Variants in ITGA1 observed in about 807,000 individuals in gnomAD.
ITGA1 encodes the protein integrin subunit alpha 1.
In ITGA1, 85 loss-of-function variants were observed where a neutral mutation model predicts 145.9. The ratio of observed to expected loss-of-function variants is 0.58; its 90% CI spans 0.49 to 0.70. The LOEUF (loss-of-function observed/expected upper bound fraction) is 0.70, where lower values mean the gene tolerates loss of function less well. Ranked by LOEUF, ITGA1 falls within the 30% of genes least tolerant of loss-of-function variation. The pLI, the probability that ITGA1 is intolerant of heterozygous loss-of-function variation, is 0.00. For missense variants in ITGA1, 1,351 were observed against 1,418.7 expected (o/e 0.95, Z 0.77); for synonymous variants, 520 against 495.3 (o/e 1.05, Z -0.66).
At chr5:52,875,712 C>T (rs1015657698) in intron 6 of ITGA1, among the ~76,000 whole-genome samples, 6 of 152,110 alleles carry the variant, frequency 3.9e-5, no homozygotes, top group East Asian at 3.9e-4. Context: ...ACATTTAACC[C>T]GGTTGCACCT....
intron 5 of ITGA1, 34 bp from the exon 6 acceptor site, chr5:52,865,656 T>C: frequency 7.8e-6 from 11 of 1,414,210 alleles, no homozygotes; most frequent in Non-Finnish European, 1.0e-5. Flanking sequence ...AAAAAATAGA[T>C]TCCAAATTTG....
chr5:52,853,626 G>A (rs1378572868), intron 2 of ITGA1, among the ~76,000 whole-genome samples: 1 of 152,144 alleles, frequency 6.6e-6, no homozygotes, highest in East Asian at 1.9e-4. Flanking sequence ...AATATAAGTT[G>A]ACAGAAAAGG....
chr5:52,913,031 C>A (rs1471861595), intron 14 of ITGA1, among the ~76,000 whole-genome samples: 1 of 152,092 alleles, frequency 6.6e-6, no homozygotes, highest in African/African-American at 2.4e-5. Context: ...CAGGCGTGAG[C>A]CACCGTGCCT....
At chr5:52,926,234 T>A (rs1369082829) in intron 19 of ITGA1, among the ~76,000 whole-genome samples, 1 of 152,156 alleles carries the variant, frequency 6.6e-6, no homozygotes, top group Non-Finnish European at 1.5e-5. Flanking sequence ...TGTTAGGATA[T>A]CACTTAGAGA....
chr5:52,925,578 T>G, intron 19 of ITGA1, 91 bp downstream of exon 19: 1 of 965,948 alleles, frequency 1.0e-6, no homozygotes, highest in Non-Finnish European at 1.6e-6. Flanking sequence ...TTTATTAGAT[T>G]GATTTTGAAA....
At position 52,957,068 on chromosome 5, in the gene ITGA1, A is replaced by G. The variant is rs1000132753; in HGVS notation, c.*4617A>G. The G allele has an allele frequency of 1.3e-5, 2 of 152,216 alleles. No individual in the cohort carries two copies. Among genetic ancestry groups the G allele is most frequent in the Non-Finnish European group, 1.5e-5 (1 of 68,036 alleles). The allele number at this position is 152,216 out of a possible 1,614,324, so 9.4% of individuals were successfully genotyped here. On this transcript the variant is annotated 3_prime_UTR_variant, in exon 29 of 29. Coordinates refer to ENST00000282588, the MANE Select transcript of ITGA1 (RefSeq NM_181501.2). ...ATTAGGGTTAAACTGTAACATTGTA[A>G]TCGGACGAACAAATCAGCATCTTTG...
chr5:52,812,667 T>A (rs771500730), intron 1 of ITGA1, among the ~76,000 whole-genome samples: 9 of 151,902 alleles, frequency 5.9e-5, no homozygotes, highest in Non-Finnish European at 8.8e-5. Flanking sequence ...CTTCAATTTG[T>A]AAAATGGAAA....
intron 20 of ITGA1, among the ~76,000 whole-genome samples, chr5:52,929,274 G>C (rs1297405158): frequency 6.6e-6 from 1 of 152,082 alleles, no homozygotes; most frequent in Admixed American, 6.6e-5. Flanking sequence ...TGAGTTACAA[G>C]GGTACTAATC....
At position 52,936,802 on chromosome 5, in the gene ITGA1, T is replaced by A. The variant is rs114079919; in HGVS notation, c.2965-599T>A. ...AATCGAATGGAGACTGAGATGAAAG[T>A]AAATCTGACTCTCATAAAACCAGAT... is the stretch of plus-strand genomic sequence containing the variant. On this transcript the variant is annotated intron_variant, in intron 23 of 28. Transcript: ENST00000282588. Among the ~76,000 whole-genome samples the A allele has an allele frequency of 4.3e-3, 649 of 152,246 alleles. 4 individuals carry two copies. The highest frequency in any genetic ancestry group is 0.015 in the African/African-American group (632 of 41,552).
chr5:52,894,650 A>T (rs1431125351), intron 9 of ITGA1, among the ~76,000 whole-genome samples: 2 of 152,186 alleles, frequency 1.3e-5, no homozygotes, highest in African/African-American at 2.4e-5. Flanking sequence ...ACCACCAGAG[A>T]ATTCTTTTCC....
intron 1 of ITGA1, among the ~76,000 whole-genome samples, chr5:52,837,648 G>A (rs576712013): frequency 6.6e-6 from 1 of 151,848 alleles, no homozygotes; most frequent in East Asian, 1.9e-4. Context: ...ATTGGCTGCC[G>A]GTTCTTGGGG....
At chr5:52,879,233 T>C (rs1429436874) in intron 6 of ITGA1, among the ~76,000 whole-genome samples, 1 of 151,952 alleles carries the variant, frequency 6.6e-6, no homozygotes, top group Non-Finnish European at 1.5e-5. Context: ...TAATAGATTA[T>C]TAAGTAGATG....
intron 6 of ITGA1, among the ~76,000 whole-genome samples, chr5:52,873,195 G>A (rs907674937): frequency 2.0e-5 from 3 of 152,180 alleles, no homozygotes; most frequent in African/African-American, 7.2e-5. Flanking sequence ...TGAGCTGGAA[G>A]GTACTTGCTT....
At chr5:52,802,364 A>G (rs1352755866) in intron 1 of ITGA1, 2 of 152,310 alleles carry the variant, frequency 1.3e-5, no homozygotes, top group East Asian at 1.9e-4. Context: ...ATTGCCGTAC[A>G]ATTAGTAGAC....
Position 52,925,262 on chromosome 5 carries a change from C to A in ITGA1, c.2404-16C>A. 6.2e-7 allele frequency: 1 copy of A among 1,603,136 alleles called. No homozygotes were observed. Among genetic ancestry groups the A allele is most frequent in the Non-Finnish European group, 8.5e-7 (1 of 1,170,302 alleles). On this transcript the variant is annotated splice_polypyrimidine_tract_variant and intron_variant, in intron 18 of 28. Coordinates refer to ENST00000282588, the MANE Select transcript of ITGA1 (RefSeq NM_181501.2). ...GTAGCTAAATTTTGAAAAATTCTTT[C>A]CTGTCATCATTTCAGATTCCCTTTG...
intron 6 of ITGA1, among the ~76,000 whole-genome samples, chr5:52,870,137 A>C (rs1372840224): frequency 2.0e-5 from 3 of 152,256 alleles, no homozygotes; most frequent in African/African-American, 7.2e-5. Context: ...TTTACTTGAC[A>C]ATCAATTCTT....
chr5:52,907,085 G>A (rs1421868358), intron 12 of ITGA1, among the ~76,000 whole-genome samples: 2 of 152,174 alleles, frequency 1.3e-5, no homozygotes, highest in African/African-American at 2.4e-5. Context: ...ATTCCAGTAA[G>A]AGGTTATTTT....
Position 52,794,076 on chromosome 5 carries a change from T to TA in ITGA1, c.61+5670dup, listed in dbSNP as rs141366163. 6.8e-3 allele frequency among the ~76,000 whole-genome samples: 1,034 copies of TA among 151,896 alleles called. 13 individuals are homozygous for TA. The highest frequency in any genetic ancestry group is 0.024 in the African/African-American group (976 of 41,488). On this transcript the variant is annotated intron_variant, in intron 1 of 28. Transcript: ENST00000282588. ...GGTGTTAGGAATTCACTTTATGTGT[T>TA]AAAAAAAATCAATTTTATCCAAACA...
intron 11 of ITGA1, chr5:52,904,763 G>A (rs1475361422): frequency 1.3e-5 from 2 of 151,000 alleles, no homozygotes; most frequent in Non-Finnish European, 2.9e-5. Flanking sequence ...TGAGGCAGGA[G>A]AATGGCGTGA....
Sources: gnomAD v4.1 joint callset for allele counts (sites outside exome capture counted in the v4.1 genomes callset) on GRCh38, gnomAD v4.1.1 for gene constraint, MANE v1.5 for transcripts, NCBI Gene and HGNC (gene_info 2026-07-23, HGNC 2026-07-21) for gene names.